The following TENM4 variants were observed in gnomAD, a reference collection of about 807,000 sequenced individuals.
TENM4 encodes the protein teneurin-4.
TENM4 carries 82 observed loss-of-function variants against 243.3 expected under a neutral mutation model. The observed-to-expected ratio is 0.34, with a 90% confidence interval of 0.28 to 0.40. The LOEUF is 0.40. Among genes scored for constraint, TENM4 ranks in the 10% least tolerant of loss-of-function variants. The pLI, the probability that TENM4 is intolerant of heterozygous loss-of-function variation, is 1.00. For synonymous variants in TENM4, 1,412 were observed against 1,456.3 expected, an observed-to-expected ratio of 0.97 and a Z score of 0.69; for missense variants, 3,138 against 3,673.3, an observed-to-expected ratio of 0.85 and a Z score of 3.77.
chr11:79,121,310 A>G (rs1447892215), intron 4 of TENM4, among the ~76,000 whole-genome samples: 2 of 152,174 alleles, frequency 1.3e-5, no homozygotes, highest in African/African-American at 4.8e-5. Context: ...GCTTGAGGAC[A>G]AAGGAAAGGC....
chr11:79,161,362 T>C (rs946490088), intron 3 of TENM4, among the ~76,000 whole-genome samples: 22 of 152,226 alleles, frequency 1.4e-4, no homozygotes, highest in African/African-American at 5.1e-4. Context: ...TCAAAATTCA[T>C]GTCCACTGAA....
chr11:79,078,372 T>A (rs1054184724), intron 4 of TENM4, among the ~76,000 whole-genome samples: 1 of 152,238 alleles, frequency 6.6e-6, no homozygotes, highest in Non-Finnish European at 1.5e-5. Flanking sequence ...TGTGTGTATG[T>A]GTAAAATCGT....
At chr11:79,137,527 G>A (rs1355831239) in intron 4 of TENM4, among the ~76,000 whole-genome samples, 2 of 152,192 alleles carry the variant, frequency 1.3e-5, no homozygotes, top group Admixed American at 1.3e-4. Flanking sequence ...TGAAGGCAAA[G>A]GGAATACAGA....
intron 14 of TENM4, among the ~76,000 whole-genome samples, chr11:78,810,466 C>T (rs1161534143): frequency 2.0e-5 from 3 of 152,176 alleles, no homozygotes; most frequent in Non-Finnish European, 1.5e-5. Flanking sequence ...GAGGAATCTC[C>T]TCTTTGTTTC....
chr11:79,329,022 T>C (rs1184318484), intron 1 of TENM4, among the ~76,000 whole-genome samples: 1 of 152,204 alleles, frequency 6.6e-6, no homozygotes, highest in Non-Finnish European at 1.5e-5. Context: ...CCATCCCAAC[T>C]GACCTGTCCC....
intron 1 of TENM4, among the ~76,000 whole-genome samples, chr11:79,422,811 C>A (rs1267401273): frequency 6.6e-6 from 1 of 152,148 alleles, no homozygotes; most frequent in East Asian, 1.9e-4. Flanking sequence ...GGCCCAGGAG[C>A]CTCTCTGGGC....
chr11:79,176,523 C>G (rs1863162222), intron 3 of TENM4, among the ~76,000 whole-genome samples: 1 of 152,170 alleles, frequency 6.6e-6, no homozygotes, highest in Non-Finnish European at 1.5e-5. Context: ...CTTTCCAAGT[C>G]AGTCATATTA....
chr11:78,810,021 TA>T (rs1237843318), intron 14 of TENM4, among the ~76,000 whole-genome samples: 1 of 151,990 alleles, frequency 6.6e-6, no homozygotes, highest in Non-Finnish European at 1.5e-5. Context: ...GTTCAAGCTT[TA>T]AAAAATATGG....
chr11:78,928,536 A>G (rs966819585), intron 6 of TENM4, among the ~76,000 whole-genome samples: 3 of 152,228 alleles, frequency 2.0e-5, no homozygotes, highest in Non-Finnish European at 2.9e-5. Context: ...AGAACTCACT[A>G]TATAATTAAA....
intron 2 of TENM4, among the ~76,000 whole-genome samples, chr11:79,225,804 G>A (rs1864252608): frequency 1.3e-5 from 2 of 152,092 alleles, no homozygotes; most frequent in Admixed American, 1.3e-4. Context: ...GAGTATGATG[G>A]TTTGGAGGGA....
chr11:79,291,509 A>T (rs907856021), intron 2 of TENM4, among the ~76,000 whole-genome samples: 1 of 152,084 alleles, frequency 6.6e-6, no homozygotes, highest in Non-Finnish European at 1.5e-5. Context: ...GCAAACAGGG[A>T]GAAGAGGATC....
At chr11:79,100,889 T>G (rs1274352359) in intron 4 of TENM4, among the ~76,000 whole-genome samples, 2 of 152,150 alleles carry the variant, frequency 1.3e-5, no homozygotes, top group Non-Finnish European at 2.9e-5. Flanking sequence ...GTGTCCTCTG[T>G]CCATTTTCTC....
intron 1 of TENM4, among the ~76,000 whole-genome samples, chr11:79,331,833 G>T (rs1857066857): frequency 6.6e-6 from 1 of 152,198 alleles, no homozygotes. Flanking sequence ...GCTCCAGACA[G>T]CATCCTTGCT....
chr11:78,844,763 C>A (rs1858350791), intron 12 of TENM4, among the ~76,000 whole-genome samples: 1 of 152,244 alleles, frequency 6.6e-6, no homozygotes, highest in African/African-American at 2.4e-5. Flanking sequence ...GAAGAGAGGC[C>A]TCACCAGAAA....
chr11:79,111,741 C>T (rs1264135156), intron 4 of TENM4, among the ~76,000 whole-genome samples: 1 of 152,102 alleles, frequency 6.6e-6, no homozygotes, highest in Admixed American at 6.5e-5. Flanking sequence ...AGCCCACATG[C>T]TAGTAAGAGA....
chr11:78,673,670 AAATC>A (rs1858392410), intron 30 of TENM4, among the ~76,000 whole-genome samples: 2 of 152,254 alleles, frequency 1.3e-5, no homozygotes, highest in Non-Finnish European at 2.9e-5. Flanking sequence ...GAAACTTAGT[AAATC>A]AGTGGAGTGC....
chr11:79,360,505 C>T (rs576931709), intron 1 of TENM4, among the ~76,000 whole-genome samples: 58 of 152,248 alleles, frequency 3.8e-4, no homozygotes, highest in African/African-American at 8.9e-4. Context: ...CCAAGAAGCA[C>T]GCAAGATGGT....
chr11:79,400,099 C>CCACACACACACACA (rs71050221), intron 1 of TENM4, among the ~76,000 whole-genome samples: 20 of 140,674 alleles, frequency 1.4e-4, no homozygotes, highest in East Asian at 8.7e-4. Context: ...TAAACACACA[C>CCACACACACACACA]CACACACACA....
chr11:78,773,786 A>G (rs2136001232), intron 17 of TENM4, among the ~76,000 whole-genome samples: 1 of 152,224 alleles, frequency 6.6e-6, no homozygotes, highest in East Asian at 1.9e-4. Context: ...TCTGGTTTAG[A>G]TGCTTCAGGA....
Sources: gnomAD v4.1 joint callset for allele counts (sites outside exome capture counted in the v4.1 genomes callset) on GRCh38, gnomAD v4.1.1 for gene constraint, MANE v1.5 for transcripts, NCBI Gene and HGNC (gene_info 2026-07-23, HGNC 2026-07-21) for gene names.